The following GRM1 variants were observed in gnomAD, a reference collection of about 807,000 sequenced individuals.
GRM1 encodes metabotropic glutamate receptor 1.
In GRM1, 33 loss-of-function variants were observed where a neutral mutation model predicts 90.9. The observed-to-expected ratio is 0.36, with a 90% CI of 0.28 to 0.49. GRM1 has a LOEUF of 0.49. Among genes scored for constraint, GRM1 ranks in the 20% least tolerant of loss-of-function variants. The pLI is 0.99. For synonymous variants in GRM1, 700 were observed against 613.2 expected, an observed-to-expected ratio of 1.14 and a Z score of -2.09; for missense variants, 1,190 against 1,534.3, an observed-to-expected ratio of 0.78 and a Z score of 3.75.
intron 2 of GRM1, among the ~76,000 whole-genome samples, chr6:146,279,033 T>G (rs912396378): frequency 1.3e-5 from 2 of 152,192 alleles, no homozygotes; most frequent in African/African-American, 2.4e-5. Flanking sequence ...AAATTCATTT[T>G]TATTAACAGA....
At chr6:146,136,926 C>T (rs1423571166) in intron 1 of GRM1, among the ~76,000 whole-genome samples, 2 of 141,270 alleles carry the variant, frequency 1.4e-5, no homozygotes, top group Non-Finnish European at 3.0e-5. Flanking sequence ...AATCTCAGCT[C>T]GCTGCAATTA....
At chr6:146,236,656 T>C (rs1364587882) in intron 2 of GRM1, among the ~76,000 whole-genome samples, 1 of 148,788 alleles carries the variant, frequency 6.7e-6, no homozygotes, top group African/African-American at 2.4e-5. Context: ...GGAATTTTTG[T>C]TGTTGTTGTT....
At chr6:146,127,766 AATG>A (rs1174865848) in intron 1 of GRM1, among the ~76,000 whole-genome samples, 1 of 152,220 alleles carries the variant, frequency 6.6e-6, no homozygotes, top group Non-Finnish European at 1.5e-5. Flanking sequence ...TTTGTAAAAT[AATG>A]ATATTAAGTA....
intron 1 of GRM1, among the ~76,000 whole-genome samples, chr6:146,123,707 C>T (rs1776090266): frequency 6.6e-6 from 1 of 152,144 alleles, no homozygotes; most frequent in East Asian, 1.9e-4. Context: ...GTAGCCTTCC[C>T]TCATGTCTTT....
intron 1 of GRM1, among the ~76,000 whole-genome samples, chr6:146,119,546 T>A (rs1775900033): frequency 6.6e-6 from 1 of 152,172 alleles, no homozygotes; most frequent in Non-Finnish European, 1.5e-5. Flanking sequence ...ATTGCCTAGG[T>A]TTTCTTCTAG....
chr6:146,078,965 G>A (rs1290458913), intron 1 of GRM1, among the ~76,000 whole-genome samples: 1 of 152,098 alleles, frequency 6.6e-6, no homozygotes, highest in Non-Finnish European at 1.5e-5. Flanking sequence ...TGGGCAAAAA[G>A]GAAAAATCTC....
At chr6:146,030,293 T>C in intron 1 of GRM1, 76 bp downstream of exon 1, 1 of 1,030,028 alleles carries the variant, frequency 9.7e-7, no homozygotes. Context: ...GATCATAGTA[T>C]TGTTCCTGTT....
chr6:146,321,015 C>G (rs1272364443), intron 3 of GRM1, among the ~76,000 whole-genome samples: 1 of 151,810 alleles, frequency 6.6e-6, no homozygotes, highest in South Asian at 2.1e-4. Context: ...TTCAGCTAGC[C>G]TTTGAATTTT....
At chr6:146,432,183 G>A (rs1778436362) in intron 7 of GRM1, among the ~76,000 whole-genome samples, 1 of 152,208 alleles carries the variant, frequency 6.6e-6, no homozygotes, top group African/African-American at 2.4e-5. Flanking sequence ...TGACATAACA[G>A]AGATGAGCTT....
At chr6:146,161,454 A>T (rs1777723122) in intron 2 of GRM1, among the ~76,000 whole-genome samples, 1 of 152,184 alleles carries the variant, frequency 6.6e-6, no homozygotes, top group African/African-American at 2.4e-5. Flanking sequence ...AATTGAACTC[A>T]TACAAGTATT....
chr6:146,407,064 AAATC>A (rs1777375153), intron 7 of GRM1, among the ~76,000 whole-genome samples: 1 of 152,194 alleles, frequency 6.6e-6, no homozygotes, highest in Non-Finnish European at 1.5e-5. Flanking sequence ...GCTCCTCAAA[AAATC>A]AGGCCAGAAT....
chr6:146,257,485 G>A (rs149548940), intron 2 of GRM1, among the ~76,000 whole-genome samples: 12 of 151,574 alleles, frequency 7.9e-5, no homozygotes, highest in Admixed American at 1.3e-4. Context: ...ATGTGTGTGC[G>A]TATGTGTGTG....
intron 2 of GRM1, among the ~76,000 whole-genome samples, chr6:146,238,446 T>C (rs2114723520): frequency 6.6e-6 from 1 of 152,258 alleles, no homozygotes; most frequent in Middle Eastern, 3.4e-3. Context: ...CCTCCCTTTC[T>C]GGAGCTGGGT....
intron 7 of GRM1, among the ~76,000 whole-genome samples, chr6:146,423,045 C>A (rs984086587): frequency 6.6e-6 from 1 of 151,914 alleles, no homozygotes; most frequent in Non-Finnish European, 1.5e-5. Flanking sequence ...AGAGAGAGAC[C>A]TTTGCACTTT....
chr6:146,208,551 A>G lies in GRM1; in HGVS notation c.950+48954A>G, dbSNP rs143101816. Among the ~76,000 whole-genome samples, 566 of 152,150 alleles carry G rather than the reference A, an allele frequency of 3.7e-3. 1 individual carries two copies. Among genetic ancestry groups the G allele is most frequent in the Non-Finnish European group, 5.1e-3 (348 of 67,974 alleles). The stretch of plus-strand genomic sequence containing the variant: ...ATCATCTAAATAGATACTTAACCTT[A>G]TTTCTGGACTCTGCCAATCTTTCTT... On this transcript the variant is annotated intron_variant, in intron 2 of 7. Transcript: ENST00000282753.
intron 5 of GRM1, 120 bp downstream of exon 5, chr6:146,357,814 AC>A: frequency 1.2e-6 from 1 of 824,386 alleles, no homozygotes; most frequent in Non-Finnish European, 2.0e-6. Context: ...TGCCAGGCTT[AC>A]AGTTTTGGCT....
chr6:146,416,237 A>G (rs2114642782), intron 7 of GRM1, among the ~76,000 whole-genome samples: 1 of 152,106 alleles, frequency 6.6e-6, no homozygotes, highest in Admixed American at 6.5e-5. Flanking sequence ...AATTATATCA[A>G]CCACTTAATT....
chr6:146,186,613 T>C (rs2114565625), intron 2 of GRM1, among the ~76,000 whole-genome samples: 1 of 152,326 alleles, frequency 6.6e-6, no homozygotes, highest in East Asian at 1.9e-4. Flanking sequence ...CTAGATGTTT[T>C]CCTACTGCTT....
At chr6:146,041,564 C>A (rs1339499074) in intron 1 of GRM1, among the ~76,000 whole-genome samples, 5 of 151,934 alleles carry the variant, frequency 3.3e-5, no homozygotes, top group Non-Finnish European at 7.4e-5. Flanking sequence ...AAGAGAATTT[C>A]TCTGCTGTTT....
Sources: allele counts gnomAD v4.1 joint callset (sites outside exome capture counted in the v4.1 genomes callset), GRCh38; gene constraint gnomAD v4.1.1; transcripts MANE v1.5; gene names NCBI Gene and HGNC (gene_info 2026-07-23, HGNC 2026-07-21).